Variants in GTF2I observed in about 807,000 individuals in gnomAD.
GTF2I encodes the protein general transcription factor IIi.
A neutral mutation model predicts 67.6 loss-of-function variants in GTF2I; 12 were observed. The observed-to-expected ratio is 0.18, with a 90% confidence interval of 0.11 to 0.29. The LOEUF (loss-of-function observed/expected upper bound fraction) is 0.29. Among genes scored for constraint, GTF2I ranks in the 10% least tolerant of loss-of-function variants. The probability of loss-of-function intolerance (pLI) is 1.00; values close to 1 mark genes in which losing one functional copy is unlikely to be tolerated. For missense variants in GTF2I, 271 were observed against 580.1 expected (o/e 0.47, Z 5.47); for synonymous variants, 149 against 197.0 (o/e 0.76, Z 2.04).
intron 3 of GTF2I, among the ~76,000 whole-genome samples, chr7:74,695,274 A>G (rs1458557852): frequency 6.6e-6 from 1 of 152,250 alleles, no homozygotes. Flanking sequence ...CTTAGTTCAT[A>G]AAGCAATGGC....
chr7:74,753,244 A>G lies in GTF2I; in HGVS notation c.2641+67A>G, dbSNP rs1370501787. On this transcript the variant is annotated intron_variant, in intron 29 of 34. Coordinates refer to ENST00000573035, the MANE Select transcript of GTF2I (RefSeq NM_032999.4). ...AGATTTGTTTTAATAAGATCTTTTC[A>G]GCAGATGATGGTTGGATGGTTGTAA... 7 of 1,605,634 alleles carry G rather than the reference A, an allele frequency of 4.4e-6. No individual in the cohort carries two copies. The Admixed American group carries it at 1.2e-4, about 27-fold the overall frequency.
chr7:74,681,581 A>G (rs1787277345), intron 1 of GTF2I, among the ~76,000 whole-genome samples: 1 of 152,174 alleles, frequency 6.6e-6, no homozygotes, highest in African/African-American at 2.4e-5. Context: ...GGGTTTGGGT[A>G]GGCTCATGAC....
At chr7:74,690,290 A>G (rs1211505413) in intron 2 of GTF2I, among the ~76,000 whole-genome samples, 1 of 152,168 alleles carries the variant, frequency 6.6e-6, no homozygotes. Flanking sequence ...TAGGGGGGAA[A>G]ATTGGAATCA....
intron 15 of GTF2I, among the ~76,000 whole-genome samples, chr7:74,732,867 C>T (rs1195368720): frequency 6.7e-6 from 1 of 149,312 alleles, no homozygotes; most frequent in Non-Finnish European, 1.5e-5. Flanking sequence ...TGAACAGTGC[C>T]CGCACTGGAT....
intron 8 of GTF2I, among the ~76,000 whole-genome samples, chr7:74,707,443 C>T (rs782039179): frequency 3.1e-4 from 47 of 152,156 alleles, no homozygotes; most frequent in Non-Finnish European, 5.1e-4. Context: ...CCACCTGCCC[C>T]GCTTCACCCC....
intron 3 of GTF2I, among the ~76,000 whole-genome samples, chr7:74,698,389 CTTTTTTT>C (rs67968753): frequency 5.4e-5 from 3 of 55,890 alleles, no homozygotes; most frequent in African/African-American, 8.7e-5. Context: ...CGCACCTGGC[CTTTTTTT>C]TTTTTTTTTT....
At chr7:74,663,810 T>A (rs1333943842) in intron 1 of GTF2I, among the ~76,000 whole-genome samples, 3 of 152,076 alleles carry the variant, frequency 2.0e-5, no homozygotes, top group African/African-American at 7.2e-5. Context: ...AGATGTGTGT[T>A]TTTTTATTGC....
At chr7:74,670,539 A>C (rs1009992480) in intron 1 of GTF2I, among the ~76,000 whole-genome samples, 4 of 152,226 alleles carry the variant, frequency 2.6e-5, no homozygotes, top group Non-Finnish European at 4.4e-5. Context: ...TCTACTAAAA[A>C]TACAAAAAAT....
chr7:74,667,675 C>G (rs1439815382), intron 1 of GTF2I, among the ~76,000 whole-genome samples: 1 of 151,820 alleles, frequency 6.6e-6, no homozygotes, highest in Non-Finnish European at 1.5e-5. Flanking sequence ...GCCACCACGT[C>G]TGGCTTGATT....
chr7:74,726,876 GATAGATAGAAT>G, intron 12 of GTF2I: 1 of 151,250 alleles, frequency 6.6e-6, no homozygotes, highest in Non-Finnish European at 1.5e-5. Context: ...TAGATAGATA[GATAGATAGAAT>G]GAGACCCTGC....
intron 1 of GTF2I, among the ~76,000 whole-genome samples, chr7:74,682,658 C>T (rs1554394413): frequency 6.6e-6 from 1 of 152,100 alleles, no homozygotes; most frequent in African/African-American, 2.4e-5. Context: ...AAATAACTAA[C>T]TCACTAAGAT....
chr7:74,715,424 A>G (rs897663082), intron 10 of GTF2I, among the ~76,000 whole-genome samples: 3 of 152,052 alleles, frequency 2.0e-5, no homozygotes, highest in African/African-American at 7.2e-5. Context: ...CATAAGATGT[A>G]TTTTCTTTAG....
chr7:74,725,650 A>G (rs1554405529), intron 12 of GTF2I, among the ~76,000 whole-genome samples: 1 of 152,200 alleles, frequency 6.6e-6, no homozygotes, highest in African/African-American at 2.4e-5. Flanking sequence ...GTGGTGCTCC[A>G]GCCTGGGTGA....
intron 1 of GTF2I, among the ~76,000 whole-genome samples, chr7:74,671,841 G>A (rs1049745373): frequency 2.6e-5 from 4 of 151,744 alleles, no homozygotes; most frequent in Non-Finnish European, 5.9e-5. Context: ...AAAATTAGCC[G>A]GGTGTGGTGG....
chr7:74,688,754 G>C (rs1414953668), intron 1 of GTF2I, among the ~76,000 whole-genome samples: 1 of 152,176 alleles, frequency 6.6e-6, no homozygotes, highest in African/African-American at 2.4e-5. Context: ...AGGATGTTCA[G>C]GGGAGAAGAG....
chr7:74,709,696 G>A (rs1246383821), intron 8 of GTF2I, among the ~76,000 whole-genome samples: 2 of 150,052 alleles, frequency 1.3e-5, no homozygotes, highest in Non-Finnish European at 3.0e-5. Context: ...TTTTTGAGAC[G>A]GAGTCTTGCT....
chr7:74,665,895 G>C (rs893280638), intron 1 of GTF2I, among the ~76,000 whole-genome samples: 1 of 152,118 alleles, frequency 6.6e-6, no homozygotes, highest in African/African-American at 2.4e-5. Flanking sequence ...GTGCAGTGGC[G>C]GGATCCCAGC....
intron 1 of GTF2I, among the ~76,000 whole-genome samples, chr7:74,666,837 A>G (rs1156951962): frequency 9.4e-5 from 14 of 148,574 alleles, no homozygotes; most frequent in Non-Finnish European, 1.8e-4. Context: ...AAAATTAGCC[A>G]GGCGTGATGG....
chr7:74,713,361 T>G (rs974799306), intron 9 of GTF2I, among the ~76,000 whole-genome samples: 7 of 152,224 alleles, frequency 4.6e-5, no homozygotes, highest in Non-Finnish European at 8.8e-5. Context: ...TCTATAGATA[T>G]GTACAGTCAT....
Sources: allele counts gnomAD v4.1 joint callset (sites outside exome capture counted in the v4.1 genomes callset), GRCh38; gene constraint gnomAD v4.1.1; transcripts MANE v1.5; gene names NCBI Gene and HGNC (gene_info 2026-07-23, HGNC 2026-07-21).